The following SNX13 variants were observed in gnomAD, a reference collection of about 807,000 sequenced individuals.
The protein encoded by SNX13 is sorting nexin 13.
SNX13 carries 45 observed loss-of-function variants against 133.6 expected under a neutral mutation model. The ratio of observed to expected loss-of-function variants is 0.34; its 90% confidence interval spans 0.27 to 0.43. SNX13 has a LOEUF of 0.43. Among genes scored for constraint, SNX13 ranks in the 20% least tolerant of loss-of-function variants. The pLI is 1.00. For missense variants in SNX13, 1,032 were observed against 1,145.1 expected (o/e 0.90, Z 1.43); for synonymous variants, 414 against 373.9 (o/e 1.11, Z -1.24).
At chr7:17,917,901 C>G (rs2128031134) in intron 1 of SNX13, among the ~76,000 whole-genome samples, 1 of 152,102 alleles carries the variant, frequency 6.6e-6, no homozygotes, top group African/African-American at 2.4e-5. Context: ...ACCACATTAC[C>G]TGACTTAAAA....
intron 18 of SNX13, among the ~76,000 whole-genome samples, chr7:17,820,198 A>T (rs1178758646): frequency 6.6e-6 from 1 of 152,184 alleles, no homozygotes; most frequent in Non-Finnish European, 1.5e-5. Flanking sequence ...TACACAATAA[A>T]AAATTTCATA....
At chr7:17,920,804 G>A (rs1039540824) in intron 1 of SNX13, among the ~76,000 whole-genome samples, 1 of 152,082 alleles carries the variant, frequency 6.6e-6, no homozygotes, top group Non-Finnish European at 1.5e-5. Context: ...TTCACTCTAA[G>A]TCTATATCAT....
chr7:17,920,944 T>G (rs1800060668), intron 1 of SNX13, among the ~76,000 whole-genome samples: 1 of 152,186 alleles, frequency 6.6e-6, no homozygotes. Flanking sequence ...CATCATTTGG[T>G]GCAGCAGCGT....
intron 1 of SNX13, among the ~76,000 whole-genome samples, chr7:17,938,734 A>C (rs957241175): frequency 1.3e-5 from 2 of 152,260 alleles, no homozygotes; most frequent in African/African-American, 4.8e-5. Context: ...TTCATTTGAA[A>C]GTATTAAAAC....
At chr7:17,871,119 C>T (rs1583562383) in intron 8 of SNX13, among the ~76,000 whole-genome samples, 1 of 152,074 alleles carries the variant, frequency 6.6e-6, no homozygotes, top group East Asian at 1.9e-4. Flanking sequence ...CATTCTCCTG[C>T]CTCAGCCTCC....
intron 15 of SNX13, chr7:17,832,257 C>T (rs2128310049): frequency 1.0e-6 from 1 of 984,480 alleles, no homozygotes; most frequent in Middle Eastern, 5.2e-4. Flanking sequence ...TTATAGTTTG[C>T]TTCCAATAGC....
chr7:17,904,950 TTAAG>T (rs1798236627), intron 1 of SNX13, among the ~76,000 whole-genome samples: 2 of 152,076 alleles, frequency 1.3e-5, no homozygotes, highest in South Asian at 4.2e-4. Flanking sequence ...AAGCTGCTCA[TTAAG>T]TATGAAAATT....
intron 19 of SNX13, among the ~76,000 whole-genome samples, chr7:17,815,821 G>T (rs888058785): frequency 1.3e-5 from 2 of 152,062 alleles, no homozygotes; most frequent in African/African-American, 4.8e-5. Context: ...TAAAAGATTT[G>T]GGAAAAGGTG....
intron 16 of SNX13, among the ~76,000 whole-genome samples, chr7:17,827,099 C>T (rs1301047104): frequency 6.6e-6 from 1 of 151,962 alleles, no homozygotes; most frequent in Non-Finnish European, 1.5e-5. Flanking sequence ...AATAAAAAAC[C>T]TGTACATTTA....
At chr7:17,860,905 A>T (rs1353078541) in intron 9 of SNX13, among the ~76,000 whole-genome samples, 1 of 152,238 alleles carries the variant, frequency 6.6e-6, no homozygotes, top group Non-Finnish European at 1.5e-5. Context: ...GGTGCAAAGA[A>T]ATATCATTGG....
intron 11 of SNX13, 143 bp from the exon 12 acceptor site, chr7:17,845,837 G>T (rs1051560881): frequency 5.7e-6 from 3 of 523,822 alleles, no homozygotes; most frequent in African/African-American, 4.0e-5. Flanking sequence ...TTTCCCAATA[G>T]ATATACATTG....
At chr7:17,799,413 C>T (rs1157194080) in intron 22 of SNX13, among the ~76,000 whole-genome samples, 1 of 151,804 alleles carries the variant, frequency 6.6e-6, no homozygotes, top group East Asian at 1.9e-4. Flanking sequence ...AAAGTAGATT[C>T]ATGATGGTCC....
chr7:17,831,194 A>C, intron 15 of SNX13: 2 of 984,372 alleles, frequency 2.0e-6, no homozygotes, highest in Non-Finnish European at 2.4e-6. Context: ...AAGATCCAGA[A>C]ATACAGTATA....
intron 17 of SNX13, among the ~76,000 whole-genome samples, chr7:17,822,330 C>G (rs1787388586): frequency 6.6e-6 from 1 of 152,002 alleles, no homozygotes; most frequent in Admixed American, 6.6e-5. Flanking sequence ...ATCATTTTCT[C>G]TAACTTGTCT....
intron 10 of SNX13, 55 bp from the exon 11 acceptor site, chr7:17,850,490 T>A (rs1791077464): frequency 9.4e-7 from 1 of 1,066,120 alleles, no homozygotes; most frequent in Admixed American, 2.7e-5. Context: ...ATGAAATACT[T>A]TAAACATGCA....
intron 5 of SNX13, chr7:17,880,597 C>T (rs994394342): frequency 6.6e-6 from 1 of 152,100 alleles, no homozygotes; most frequent in African/African-American, 2.4e-5. Context: ...CATACAACTC[C>T]AAGGGTGGAA....
At chr7:17,930,970 C>A (rs979792577) in intron 1 of SNX13, among the ~76,000 whole-genome samples, 4 of 152,292 alleles carry the variant, frequency 2.6e-5, no homozygotes, top group South Asian at 2.1e-4. Context: ...ACCATTCCCC[C>A]CAACAGCCGT....
At chr7:17,837,161 A>AAT (rs1298630462) in intron 13 of SNX13, among the ~76,000 whole-genome samples, 4 of 152,058 alleles carry the variant, frequency 2.6e-5, no homozygotes, top group Non-Finnish European at 5.9e-5. Flanking sequence ...TAAGAGGCAG[A>AAT]ATATTGCTCT....
intron 9 of SNX13, 70 bp from the exon 10 acceptor site, chr7:17,851,034 T>C (rs1176263719): frequency 2.0e-6 from 3 of 1,478,790 alleles, no homozygotes; most frequent in South Asian, 2.5e-5. Context: ...GAATCTTGAG[T>C]GCCTACTATG....
Sources: allele counts gnomAD v4.1 joint callset (sites outside exome capture counted in the v4.1 genomes callset), GRCh38; gene constraint gnomAD v4.1.1; transcripts MANE v1.5; gene names NCBI Gene and HGNC (gene_info 2026-07-23, HGNC 2026-07-21).